SS18L1: variants seen among roughly 807,000 people sequenced by gnomAD.
SS18L1 encodes SS18L1 subunit of BAF chromatin remodeling complex.
A neutral mutation model predicts 70.3 loss-of-function variants in SS18L1; 32 were observed. That is an observed-to-expected ratio of 0.46 (90% CI 0.34 to 0.61). The LOEUF (loss-of-function observed/expected upper bound fraction) is 0.61. SS18L1 is among the 20% of genes least tolerant of loss of function. The pLI, the probability that SS18L1 is intolerant of heterozygous loss-of-function variation, is 0.01. For synonymous variants in SS18L1, 237 were observed against 229.7 expected (o/e 1.03, Z -0.29); for missense variants, 430 against 542.1 (o/e 0.79, Z 2.05).
chr20:62,167,176 G>T (rs1453428689), intron 8 of SS18L1, among the ~76,000 whole-genome samples: 1 of 148,774 alleles, frequency 6.7e-6, no homozygotes, highest in Non-Finnish European at 1.5e-5. Context: ...CTCTTGAGTA[G>T]CTCGGATTAC....
At position 62,179,518 on chromosome 20, in the gene SS18L1, A is replaced by G; in HGVS notation, c.*310A>G. ...AGCTAGCTTTGGGGGTCATTTTGTC[A>G]TCAGAGCATTCTGTGCCCAGGGACA... is the stretch of plus-strand genomic sequence containing the variant. On this transcript the variant is annotated 3_prime_UTR_variant, in exon 11 of 11. Transcript: ENST00000331758. 1 of 470,496 alleles carries G rather than the reference A, an allele frequency of 2.1e-6. No individual in the cohort carries two copies. The highest frequency in any genetic ancestry group is 3.9e-6 in the Non-Finnish European group (1 of 256,936). 29.1% of individuals were successfully genotyped at this position (470,496 alleles called of 1,614,324 possible).
At chr20:62,154,307 G>C in intron 1 of SS18L1, 1 of 1,040,760 alleles carries the variant, frequency 9.6e-7, no homozygotes, top group Non-Finnish European at 1.2e-6. Flanking sequence ...GCCAGTCATC[G>C]AGTGCCCTTG....
chr20:62,178,117 A>C (rs1394410197), intron 10 of SS18L1, among the ~76,000 whole-genome samples: 3 of 139,206 alleles, frequency 2.2e-5, no homozygotes, highest in African/African-American at 8.1e-5. Flanking sequence ...CCTCCGGGGC[A>C]TGCGCCACAA....
intron 1 of SS18L1, among the ~76,000 whole-genome samples, chr20:62,149,707 T>C (rs1025545482): frequency 2.0e-5 from 3 of 152,220 alleles, no homozygotes; most frequent in African/African-American, 7.2e-5. Context: ...AGCAGCCTTG[T>C]AATTGGTCAG....
chr20:62,167,749 G>A (rs191424426), intron 8 of SS18L1, among the ~76,000 whole-genome samples: 2 of 152,296 alleles, frequency 1.3e-5, no homozygotes, highest in East Asian at 3.9e-4. Context: ...GCCCAAGGCT[G>A]CCACACTTTG....
In SS18L1 at chr20:62,163,626, A is replaced by G. The variant is rs2057373184; in HGVS notation, c.721+4A>G. ...CCCTACCGGCCCTCCCAGCAAGGTA[A>G]CGCCCGGCCGGGCCAGGTCGCGGGC... On this transcript the variant is annotated splice_donor_region_variant and intron_variant, in intron 6 of 10. Coordinates refer to ENST00000331758, the MANE Select transcript of SS18L1 (RefSeq NM_198935.3). 1.9e-6 allele frequency: 3 copies of G among 1,573,482 alleles called. No individual in the cohort carries two copies. Among genetic ancestry groups the G allele is most frequent in the South Asian group, 1.2e-5 (1 of 86,906 alleles).
At position 62,174,838 on chromosome 20, in the gene SS18L1, A is replaced by G; in HGVS notation, c.1164+194A>G. ...GTGTATACGCTCACCTCAGTCATCC[A>G]GCTGGCTTTTCATACCCTAAGCTCA... On this transcript the variant is annotated intron_variant, in intron 10 of 10. Coordinates refer to ENST00000331758, the MANE Select transcript of SS18L1 (RefSeq NM_198935.3). This position sits in a 1 kb window ranked among gnomAD's most constrained non-coding sequence, Gnocchi z 4.1. The G allele has an allele frequency of 6.8e-7, 1 of 1,465,398 alleles. No individual in the cohort carries two copies. The highest frequency in any genetic ancestry group is 9.0e-7 in the Non-Finnish European group (1 of 1,105,632). 90.8% of individuals were successfully genotyped at this position (1,465,398 alleles called of 1,614,324 possible).
chr20:62,145,666 C>T (rs923368148), intron 1 of SS18L1, among the ~76,000 whole-genome samples: 16 of 152,204 alleles, frequency 1.1e-4, no homozygotes, highest in African/African-American at 3.1e-4. Flanking sequence ...ACCTGTGGAC[C>T]GTGGGTCCCT....
At position 62,163,594 on chromosome 20, in the gene SS18L1, C is replaced by G; in HGVS notation, c.693C>G (p.Pro231=). 6.2e-7 allele frequency: 1 copy of G among 1,603,742 alleles called. No individual in the cohort carries two copies. Among genetic ancestry groups the G allele is most frequent in the Non-Finnish European group, 8.5e-7 (1 of 1,177,392 alleles). The change falls in exon 6 of 11, where the codon CCC becomes CCG. Residue 231 remains proline, a synonymous_variant. Coordinates refer to ENST00000331758, the MANE Select transcript of SS18L1 (RefSeq NM_198935.3). ...SQGSSMMGQR[P]MAPYRPSQQG... is the part of the protein sequence containing the mutation. ...GGAGCAGCATGATGGGGCAGCGGCCCATGGCGCCCTACCGGCCCTCCCAGC... is the reference window on the plus strand; with the variant it reads ...GGAGCAGCATGATGGGGCAGCGGCCGATGGCGCCCTACCGGCCCTCCCAGC...
At position 62,159,950 on chromosome 20, in the gene SS18L1, C is replaced by T. The variant is rs771073816; in HGVS notation, c.220C>T (p.Leu74=). ...IADSNQNMQS[L]LPAPPTQNMN... is the part of the protein sequence containing the mutation. ...AGACTCCAACCAGAACATGCAGTCC[C>T]TGCTTCCTGCCGTGAGTACCCACGG... The change falls in exon 3 of 11, where the codon CTG becomes TTG. Residue 74 remains leucine, a synonymous_variant. Transcript: ENST00000331758. This position sits in a 1 kb window ranked among gnomAD's most constrained non-coding sequence, Gnocchi z 4.4. The T allele has an allele frequency of 2.3e-5, 37 of 1,611,562 alleles. No homozygotes were observed. The highest frequency in any genetic ancestry group is 1.2e-5 in the Non-Finnish European group (14 of 1,179,684).
intron 10 of SS18L1, 29 bp from the exon 11 acceptor site, chr20:62,179,153 G>A (rs201256484): frequency 4.8e-5 from 77 of 1,613,722 alleles, no homozygotes; most frequent in Admixed American, 1.7e-4. Context: ...TTACTATAGG[G>A]GTGTAATCTG....
intron 1 of SS18L1, among the ~76,000 whole-genome samples, chr20:62,145,907 C>T (rs759097866): frequency 4.6e-5 from 7 of 152,180 alleles, no homozygotes; most frequent in Middle Eastern, 3.2e-3. Flanking sequence ...AGTGTCATGC[C>T]GAGAGCTTTA....
Position 62,172,780 on chromosome 20 carries a change from C to A in SS18L1, c.1015C>A (p.Pro339Thr). ...QQQYPSQQSY[P>T]GQQQGYGSAQ... ...GCAGTACCCCAGCCAGCAGAGCTAC[C>A]CCGGGCAGCAGCAGGGCTACGGTAA... Residue 339 changes from proline (P) to threonine (T), a missense_variant, in exon 9 of 11, where the codon CCC becomes ACC. Coordinates refer to ENST00000331758, the MANE Select transcript of SS18L1 (RefSeq NM_198935.3). 1 of 1,613,928 alleles carries A rather than the reference C, an allele frequency of 6.2e-7. No individual in the cohort carries two copies. The highest frequency in any genetic ancestry group is 8.5e-7 in the Non-Finnish European group (1 of 1,179,978).
rs144809671 is a variant in SS18L1, at chr20:62,162,783, G to A, written c.408G>A (p.Ala136=). 8.7e-6 allele frequency: 14 copies of A among 1,612,210 alleles called. No individual in the cohort carries two copies. In the African/African-American group the frequency reaches 1.1e-4, roughly 12 times the overall value. Residue 136 remains alanine, a synonymous_variant, in exon 5 of 11, where the codon GCG becomes GCA. Transcript: ENST00000331758. ...GPSHVSMQQT[A]PNTLPTTSMS... is the part of the protein sequence containing the mutation. Reference sequence around the variant, plus strand: ...GCCACGTGTCCATGCAGCAGACGGCGCCTAACACGCTGCCCACCACCTCCA... The same window carrying A: ...GCCACGTGTCCATGCAGCAGACGGCACCTAACACGCTGCCCACCACCTCCA...
Position 62,174,423 on chromosome 20 carries a change from G to C in SS18L1, c.1037-94G>C. ...CATTGAGACGGGAATTTTTCAAGGA[G>C]AAGAGGAAGTTTTAAAAAAAATTTT... On this transcript the variant is annotated intron_variant, in intron 9 of 10. Coordinates refer to ENST00000331758, the MANE Select transcript of SS18L1 (RefSeq NM_198935.3). This position sits in a 1 kb window ranked among gnomAD's most constrained non-coding sequence, Gnocchi z 4.1. 1.3e-6 allele frequency: 2 copies of C among 1,513,958 alleles called. No individual in the cohort carries two copies. The highest frequency in any genetic ancestry group is 1.8e-6 in the Non-Finnish European group (2 of 1,135,240). 93.8% of individuals were successfully genotyped at this position (1,513,958 alleles called of 1,614,324 possible).
intron 8 of SS18L1, among the ~76,000 whole-genome samples, chr20:62,170,406 C>T (rs561513486): frequency 2.5e-4 from 38 of 152,196 alleles, no homozygotes; most frequent in African/African-American, 7.9e-4. Flanking sequence ...CTCAGGAGGC[C>T]GAGGCAGGAG....
intron 1 of SS18L1, among the ~76,000 whole-genome samples, chr20:62,150,804 T>G (rs6121919): frequency 0.047 from 7,083 of 151,718 alleles, 484 homozygotes; most frequent in African/African-American, 0.15. Flanking sequence ...CCAAGATGTT[T>G]GAGAGGAAAG....
At chr20:62,149,989 T>C (rs1335815094) in intron 1 of SS18L1, among the ~76,000 whole-genome samples, 1 of 152,192 alleles carries the variant, frequency 6.6e-6, no homozygotes, top group African/African-American at 2.4e-5. Flanking sequence ...CAAAGCGCCA[T>C]GAGACTGGAA....
intron 10 of SS18L1, among the ~76,000 whole-genome samples, chr20:62,177,291 A>G (rs1392220318): frequency 1.3e-5 from 2 of 152,042 alleles, no homozygotes; most frequent in Non-Finnish European, 2.9e-5. Context: ...AAAAAAAAAA[A>G]AGGTGCTGAG....
Sources: allele counts gnomAD v4.1 joint callset (sites outside exome capture counted in the v4.1 genomes callset), GRCh38; gene constraint gnomAD v4.1.1; non-coding constraint Gnocchi (gnomAD v3.1); transcripts MANE v1.5; gene names NCBI Gene and HGNC (gene_info 2026-07-23, HGNC 2026-07-21).